Variants in SORCS1 observed in about 807,000 individuals in gnomAD.
The protein encoded by SORCS1 is sortilin related VPS10 domain containing receptor 1.
In SORCS1, 60 loss-of-function variants were observed where a neutral mutation model predicts 146.1. That is an observed-to-expected ratio of 0.41 (90% CI 0.33 to 0.51). The LOEUF (loss-of-function observed/expected upper bound fraction) is 0.51. Among genes scored for constraint, SORCS1 ranks in the 20% least tolerant of loss-of-function variants. SORCS1 has a pLI of 0.21. For synonymous variants in SORCS1, 637 were observed against 584.0 expected (o/e 1.09, Z -1.31); for missense variants, 1,352 against 1,487.6 (o/e 0.91, Z 1.50).
intron 2 of SORCS1, among the ~76,000 whole-genome samples, chr10:106,931,441 G>A (rs1181849888): frequency 6.6e-6 from 1 of 152,216 alleles, no homozygotes; most frequent in Non-Finnish European, 1.5e-5. Flanking sequence ...ACTGAGAAGA[G>A]CATGGAAGCG....
At chr10:107,138,253 C>T (rs1367687697) in intron 1 of SORCS1, among the ~76,000 whole-genome samples, 1 of 152,112 alleles carries the variant, frequency 6.6e-6, no homozygotes, top group Non-Finnish European at 1.5e-5. Flanking sequence ...TGTGACTTTC[C>T]TTAGTTCATT....
At chr10:106,863,927 G>T (rs923714243) in intron 2 of SORCS1, among the ~76,000 whole-genome samples, 5 of 151,878 alleles carry the variant, frequency 3.3e-5, no homozygotes, top group African/African-American at 1.2e-4. Context: ...CTGTGTAGAC[G>T]AAAACACTCA....
chr10:107,158,118 CT>C (rs990782087), intron 1 of SORCS1, among the ~76,000 whole-genome samples: 2 of 152,174 alleles, frequency 1.3e-5, no homozygotes, highest in African/African-American at 4.8e-5. Context: ...TGTGAAAACT[CT>C]GTGTGGAAAG....
At chr10:106,643,849 A>G (rs1849232378) in intron 18 of SORCS1, among the ~76,000 whole-genome samples, 1 of 152,220 alleles carries the variant, frequency 6.6e-6, no homozygotes, top group South Asian at 2.1e-4. Flanking sequence ...TCATTTGCAC[A>G]AAGGTTGGAG....
chr10:106,840,941 C>T (rs988342449), intron 2 of SORCS1, among the ~76,000 whole-genome samples: 10 of 150,580 alleles, frequency 6.6e-5, no homozygotes, highest in African/African-American at 1.5e-4. Context: ...CTGCAACCTC[C>T]ACCTCCCAGG....
chr10:106,885,204 TCTTG>T lies in SORCS1; in HGVS notation c.627-55535_627-55532del, dbSNP rs144962611. Among the ~76,000 whole-genome samples the T allele has an allele frequency of 1.8e-3, 268 of 152,080 alleles. 1 individual carries two copies. Among genetic ancestry groups the T allele is most frequent in the African/African-American group, 5.5e-3 (229 of 41,482 alleles). On this transcript the variant is annotated intron_variant, in intron 2 of 25. Coordinates refer to ENST00000263054, the MANE Select transcript of SORCS1 (RefSeq NM_052918.5). ...CTACAATAATCATATAATTTTTTCT[TCTTG>T]CTTCTCTGTATTTTCTAATTTTCAA... is the stretch of plus-strand genomic sequence containing the variant.
intron 5 of SORCS1, among the ~76,000 whole-genome samples, chr10:106,750,245 G>A (rs1474644908): frequency 1.3e-5 from 2 of 152,096 alleles, no homozygotes; most frequent in Non-Finnish European, 2.9e-5. Context: ...GTCTCGAGAA[G>A]TGACTGAATA....
intron 1 of SORCS1, among the ~76,000 whole-genome samples, chr10:107,047,377 A>T (rs1959607699): frequency 6.6e-6 from 1 of 152,198 alleles, no homozygotes; most frequent in South Asian, 2.1e-4. Context: ...CGATAAGCCC[A>T]CATGACATTA....
chr10:106,899,970 A>G (rs1243720399), intron 2 of SORCS1, among the ~76,000 whole-genome samples: 5 of 151,950 alleles, frequency 3.3e-5, no homozygotes, highest in Non-Finnish European at 5.9e-5. Context: ...ACACACACAC[A>G]TATTTTTTTC....
At chr10:106,617,836 G>T (rs550553045) in intron 21 of SORCS1, among the ~76,000 whole-genome samples, 1 of 152,184 alleles carries the variant, frequency 6.6e-6, no homozygotes, top group East Asian at 1.9e-4. Context: ...TTTTGTAACT[G>T]GTATTCAAAT....
intron 4 of SORCS1, among the ~76,000 whole-genome samples, chr10:106,769,368 C>T (rs1859820846): frequency 6.6e-6 from 1 of 151,650 alleles, no homozygotes; most frequent in African/African-American, 2.4e-5. Context: ...GCCAGTAATC[C>T]CAGCTACTTG....
chr10:107,029,326 A>T (rs1958546301), intron 1 of SORCS1, among the ~76,000 whole-genome samples: 1 of 152,234 alleles, frequency 6.6e-6, no homozygotes, highest in African/African-American at 2.4e-5. Flanking sequence ...ACTAGTCAGA[A>T]GAATGGGTTT....
In SORCS1 at chr10:106,577,703, G is replaced by A. The variant is rs770420029; in HGVS notation, c.3372-148C>T. On this transcript the variant is annotated intron_variant, in intron 25 of 25. Coordinates refer to ENST00000263054, the MANE Select transcript of SORCS1 (RefSeq NM_052918.5). ...ACAGAGGCTGTGCTTCATACCCTAC[G>A]GAAATGCGACTGAGAACCAAACGAT... The A allele has an allele frequency of 1.1e-5, 16 of 1,421,912 alleles. No homozygotes were observed. In the East Asian group the frequency reaches 1.5e-4, roughly 13 times the overall value. 88.1% of individuals were successfully genotyped at this position (1,421,912 alleles called of 1,614,324 possible).
chr10:106,666,135 C>G (rs552469808), intron 17 of SORCS1, among the ~76,000 whole-genome samples: 13 of 152,044 alleles, frequency 8.6e-5, no homozygotes, highest in African/African-American at 1.4e-4. Context: ...CCACTGCACC[C>G]GGCCACTTCT....
intron 1 of SORCS1, among the ~76,000 whole-genome samples, chr10:107,155,734 T>C (rs1005978366): frequency 4.6e-5 from 7 of 152,122 alleles, no homozygotes; most frequent in South Asian, 4.2e-4. Flanking sequence ...AGCAGAAGGA[T>C]TGATGGCCCA....
intron 1 of SORCS1, among the ~76,000 whole-genome samples, chr10:107,045,332 T>G (rs1028683159): frequency 1.3e-5 from 2 of 152,134 alleles, no homozygotes; most frequent in Non-Finnish European, 2.9e-5. Context: ...TAGTCTGAGG[T>G]CCATACTTTT....
chr10:106,723,094 G>A (rs1855894212), intron 6 of SORCS1, among the ~76,000 whole-genome samples: 1 of 152,170 alleles, frequency 6.6e-6, no homozygotes, highest in Non-Finnish European at 1.5e-5. Flanking sequence ...GTCAAGGCAG[G>A]AGGATCGCTT....
At chr10:107,143,740 G>A (rs906973016) in intron 1 of SORCS1, among the ~76,000 whole-genome samples, 3 of 151,986 alleles carry the variant, frequency 2.0e-5, no homozygotes, top group East Asian at 1.9e-4. Context: ...TCCTGACCTC[G>A]TGATCTGCCC....
At chr10:106,797,045 T>A (rs1466184668) in intron 3 of SORCS1, among the ~76,000 whole-genome samples, 1 of 152,094 alleles carries the variant, frequency 6.6e-6, no homozygotes, top group African/African-American at 2.4e-5. Context: ...AGACGGAGGT[T>A]GCAGTAAGCC....
Sources: allele counts gnomAD v4.1 joint callset (sites outside exome capture counted in the v4.1 genomes callset), GRCh38; gene constraint gnomAD v4.1.1; transcripts MANE v1.5; gene names NCBI Gene and HGNC (gene_info 2026-07-23, HGNC 2026-07-21).